Variants in CCSER1 observed in about 807,000 individuals in gnomAD.
The protein encoded by CCSER1 is coiled-coil serine rich protein 1.
A neutral mutation model predicts 82.0 loss-of-function variants in CCSER1; 41 were observed. The ratio of observed to expected loss-of-function variants is 0.50; its 90% CI spans 0.39 to 0.65. The LOEUF is 0.65. Among genes scored for constraint, CCSER1 ranks in the 30% least tolerant of loss-of-function variants. The pLI is 0.00. For synonymous variants in CCSER1, 414 were observed against 383.9 expected (o/e 1.08, Z -0.92); for missense variants, 1,119 against 1,064.2 (o/e 1.05, Z -0.72).
At chr4:90,696,389 A>C (rs574918597) in intron 6 of CCSER1, among the ~76,000 whole-genome samples, 1 of 131,198 alleles carries the variant, frequency 7.6e-6, no homozygotes, top group Non-Finnish European at 1.8e-5. Context: ...AAATAATGAG[A>C]AACTGGTAAT....
intron 1 of CCSER1, among the ~76,000 whole-genome samples, chr4:90,207,470 A>T (rs927093669): frequency 2.1e-4 from 32 of 152,212 alleles, no homozygotes; most frequent in Non-Finnish European, 3.4e-4. Flanking sequence ...GTTTGTTATT[A>T]CCCACCTTCT....
chr4:91,192,304 A>G (rs1465622791), intron 10 of CCSER1, among the ~76,000 whole-genome samples: 2 of 152,034 alleles, frequency 1.3e-5, no homozygotes, highest in Non-Finnish European at 2.9e-5. Context: ...AAATTCCCCT[A>G]CTTCCACATA....
intron 10 of CCSER1, among the ~76,000 whole-genome samples, chr4:91,554,291 G>A (rs187475119): frequency 6.6e-6 from 1 of 151,326 alleles, no homozygotes; most frequent in African/African-American, 2.4e-5. Flanking sequence ...AGCTTTTCCT[G>A]TGGCCTAATA....
At chr4:90,368,555 C>A (rs1416842647) in intron 3 of CCSER1, among the ~76,000 whole-genome samples, 1 of 151,736 alleles carries the variant, frequency 6.6e-6, no homozygotes, top group Non-Finnish European at 1.5e-5. Context: ...ATCACTTGAG[C>A]CAGGAGTTTG....
At position 91,382,653 on chromosome 4, in the gene CCSER1, C is replaced by T. The variant is rs554308631; in HGVS notation, c.2218-215919C>T. Among the ~76,000 whole-genome samples, 5 of 152,300 alleles carry T rather than the reference C, an allele frequency of 3.3e-5. No individual in the cohort carries two copies. In the East Asian group the frequency reaches 7.7e-4, roughly 24 times the overall value. ...GGGAATTCCCTGACCCATTGCGCTT[C>T]TTGGGTGAGGCGATCCCTCACCCTC... is the stretch of plus-strand genomic sequence containing the variant. On this transcript the variant is annotated intron_variant, in intron 10 of 10. Transcript: ENST00000509176.
intron 10 of CCSER1, among the ~76,000 whole-genome samples, chr4:91,527,559 A>C: frequency 6.6e-6 from 1 of 152,194 alleles, no homozygotes; most frequent in East Asian, 1.9e-4. Context: ...AAAAATGGGA[A>C]TATTTTGGAA....
intron 10 of CCSER1, among the ~76,000 whole-genome samples, chr4:91,236,932 G>T (rs958467896): frequency 6.6e-6 from 1 of 152,170 alleles, no homozygotes; most frequent in Non-Finnish European, 1.5e-5. Context: ...ACTGACATGA[G>T]CAAGACCAGA....
At chr4:91,065,071 C>CA (rs141607850) in intron 9 of CCSER1, among the ~76,000 whole-genome samples, 19 of 144,012 alleles carry the variant, frequency 1.3e-4, no homozygotes, top group South Asian at 4.4e-4. Flanking sequence ...CAGTATACTA[C>CA]AAAAAAAAAA....
At chr4:91,012,517 G>T (rs1210211569) in intron 9 of CCSER1, among the ~76,000 whole-genome samples, 1 of 151,178 alleles carries the variant, frequency 6.6e-6, no homozygotes, top group Non-Finnish European at 1.5e-5. Context: ...GTCTGGGTGG[G>T]GAGGGTGGGT....
rs577265126 is a variant in CCSER1 at position 90,702,519 on chromosome 4, A to G, written c.1933-21395A>G. On this transcript the variant is annotated intron_variant, in intron 6 of 10. Coordinates refer to ENST00000509176, the MANE Select transcript of CCSER1 (RefSeq NM_001145065.2). ...GTTAGGGAGGATTCCCTCCTTTTCT[A>G]TTGATTGGAATCATTTCAGAAGGAA... Among the ~76,000 whole-genome samples, 53 of 152,296 alleles carry G rather than the reference A, an allele frequency of 3.5e-4. 3 individuals are homozygous for G. In the South Asian group the frequency reaches 8.3e-3, roughly 24 times the overall value.
chr4:90,962,793 C>A (rs1327006062), intron 9 of CCSER1, among the ~76,000 whole-genome samples: 1 of 152,046 alleles, frequency 6.6e-6, no homozygotes, highest in African/African-American at 2.4e-5. Flanking sequence ...TTGTTTTTTT[C>A]TACACTGTAG....
chr4:90,849,119 C>A (rs1763543189), intron 8 of CCSER1, among the ~76,000 whole-genome samples: 1 of 152,120 alleles, frequency 6.6e-6, no homozygotes, highest in African/African-American at 2.4e-5. Context: ...GTGGAATTAA[C>A]TTTGGAACTG....
At chr4:90,380,961 G>A (rs1297433197) in intron 3 of CCSER1, among the ~76,000 whole-genome samples, 3 of 152,344 alleles carry the variant, frequency 2.0e-5, no homozygotes, top group African/African-American at 7.2e-5. Context: ...AGCAGGAAAC[G>A]ATGCGGGAGC....
At chr4:91,233,471 C>T (rs924773537) in intron 10 of CCSER1, among the ~76,000 whole-genome samples, 3 of 151,900 alleles carry the variant, frequency 2.0e-5, no homozygotes, top group Admixed American at 2.0e-4. Flanking sequence ...CCTCCAGTCT[C>T]TCAGGCACAA....
intron 10 of CCSER1, among the ~76,000 whole-genome samples, chr4:91,455,133 AAGAG>A (rs1273035664): frequency 6.6e-6 from 1 of 152,102 alleles, no homozygotes; most frequent in Non-Finnish European, 1.5e-5. Flanking sequence ...CATGGAGGGA[AAGAG>A]AGAAAACATT....
At chr4:90,933,377 CG>C (rs1484665884) in intron 9 of CCSER1, among the ~76,000 whole-genome samples, 1 of 151,566 alleles carries the variant, frequency 6.6e-6, no homozygotes, top group Non-Finnish European at 1.5e-5. Context: ...TTAGTAGAGA[CG>C]GGGTTTCACC....
chr4:91,570,825 T>C (rs551287167), intron 10 of CCSER1, among the ~76,000 whole-genome samples: 57 of 152,314 alleles, frequency 3.7e-4, no homozygotes, highest in African/African-American at 1.3e-3. Context: ...TCATTACTTA[T>C]GCAAATTTCT....
intron 7 of CCSER1, among the ~76,000 whole-genome samples, chr4:90,777,180 A>T (rs1484573769): frequency 6.6e-6 from 1 of 151,880 alleles, no homozygotes; most frequent in Non-Finnish European, 1.5e-5. Flanking sequence ...AACATGGTGA[A>T]ACCCCATCTC....
chr4:91,086,781 GCTTTC>G (rs1300520838), intron 10 of CCSER1, among the ~76,000 whole-genome samples: 7 of 151,954 alleles, frequency 4.6e-5, no homozygotes, highest in Non-Finnish European at 1.0e-4. Flanking sequence ...GTGCTTGCCA[GCTTTC>G]CTTTATGTTT....
Sources: allele counts gnomAD v4.1 joint callset (sites outside exome capture counted in the v4.1 genomes callset), GRCh38; gene constraint gnomAD v4.1.1; transcripts MANE v1.5; gene names NCBI Gene and HGNC (gene_info 2026-07-23, HGNC 2026-07-21).